Variants in CAMTA1 observed in about 807,000 individuals in gnomAD.
CAMTA1 encodes calmodulin-binding transcription activator 1.
A neutral mutation model predicts 170.9 loss-of-function variants in CAMTA1; 27 were observed. The ratio of observed to expected loss-of-function variants is 0.16; its 90% CI spans 0.12 to 0.22. The LOEUF (loss-of-function observed/expected upper bound fraction) is 0.22. Among genes scored for constraint, CAMTA1 ranks in the 10% least tolerant of loss-of-function variants. CAMTA1 has a pLI of 1.00. For missense variants in CAMTA1, 1,619 were observed against 2,217.2 expected (o/e 0.73, Z 5.42); for synonymous variants, 833 against 891.5 (o/e 0.93, Z 1.17).
At chr1:7,648,468 A>G (rs1316007886) in intron 7 of CAMTA1, among the ~76,000 whole-genome samples, 1 of 151,876 alleles carries the variant, frequency 6.6e-6, no homozygotes, top group African/African-American at 2.4e-5. Flanking sequence ...GTGTGGGCAC[A>G]GTAAGGAGTG....
In CAMTA1 at chr1:7,195,379, G is replaced by A. The variant is rs1339076817; in HGVS notation, c.303-54112G>A. Among the ~76,000 whole-genome samples the A allele has an allele frequency of 6.6e-6, 1 of 152,168 alleles. No homozygotes were observed. The highest frequency in any genetic ancestry group is 2.4e-5 in the African/African-American group (1 of 41,430). On this transcript the variant is annotated intron_variant, in intron 4 of 22. Coordinates refer to ENST00000303635, the MANE Select transcript of CAMTA1 (RefSeq NM_015215.4). The surrounding 1 kb of genome is among the most constrained non-coding windows in gnomAD (Gnocchi z 4.1). ...CTATACACATTCTCTGCTTGTCTTG[G>A]CTATTTGGAAGCACATTCAGTGCTG...
At chr1:7,103,059 C>A (rs879749074) in intron 4 of CAMTA1, among the ~76,000 whole-genome samples, 3 of 151,880 alleles carry the variant, frequency 2.0e-5, no homozygotes, top group Admixed American at 2.0e-4. Context: ...GGAGAGGCTG[C>A]CCCTCTAGTG....
chr1:7,010,334 T>C lies in CAMTA1; in HGVS notation c.235-80970T>C, dbSNP rs1232304469. On this transcript the variant is annotated intron_variant, in intron 3 of 22. Transcript: ENST00000303635. The surrounding 1 kb of genome is among the most constrained non-coding windows in gnomAD (Gnocchi z 4.4). ...AGTGCTCAGGCCTCTGGGCTCTCTC[T>C]GGCCCTTGCTTGGTTGAGCTCAGCT... is the stretch of plus-strand genomic sequence containing the variant. 1.3e-5 allele frequency among the ~76,000 whole-genome samples: 2 copies of C among 152,172 alleles called. No individual in the cohort carries two copies. Among genetic ancestry groups the C allele is most frequent in the African/African-American group, 2.4e-5 (1 of 41,454 alleles).
chr1:7,575,559 A>T (rs1490374853), intron 6 of CAMTA1, among the ~76,000 whole-genome samples: 1 of 152,260 alleles, frequency 6.6e-6, no homozygotes. Context: ...TCAAATGCCC[A>T]TGTGACTTTG....
chr1:7,119,956 C>G (rs1014344986), intron 4 of CAMTA1, among the ~76,000 whole-genome samples: 1 of 152,144 alleles, frequency 6.6e-6, no homozygotes, highest in African/African-American at 2.4e-5. Context: ...CCCCAAGGAA[C>G]CCTCATGAGA....
At chr1:6,862,811 G>T (rs1043966347) in intron 3 of CAMTA1, among the ~76,000 whole-genome samples, 1 of 152,210 alleles carries the variant, frequency 6.6e-6, no homozygotes, top group African/African-American at 2.4e-5. Flanking sequence ...ACCATTAAAT[G>T]TGGGTATTTC....
intron 11 of CAMTA1, among the ~76,000 whole-genome samples, chr1:7,724,760 T>C (rs2149816019): frequency 6.7e-6 from 1 of 149,154 alleles, no homozygotes; most frequent in African/African-American, 2.5e-5. Context: ...GAGGCGGAGG[T>C]TGCAGTGAGC....
At chr1:7,182,371 T>A (rs1652353673) in intron 4 of CAMTA1, among the ~76,000 whole-genome samples, 1 of 151,794 alleles carries the variant, frequency 6.6e-6, no homozygotes, top group African/African-American at 2.4e-5. Context: ...CAAAACCCTG[T>A]CTCTACTAAA....
rs545518151 is a variant in CAMTA1 at position 7,064,821 on chromosome 1, G to C, written c.235-26483G>C. Among the ~76,000 whole-genome samples, 1 of 152,266 alleles carries C rather than the reference G, an allele frequency of 6.6e-6. No homozygotes were observed. The highest frequency in any genetic ancestry group is 2.1e-4 in the South Asian group (1 of 4,808). On this transcript the variant is annotated intron_variant, in intron 3 of 22. Transcript: ENST00000303635. The surrounding 1 kb of genome is among the most constrained non-coding windows in gnomAD (Gnocchi z 5.4). The stretch of plus-strand genomic sequence containing the variant: ...AGAGGAGTCCATGGATGTATTCTGA[G>C]GTCCTGTTGGTCTAGGAGCTGGTTG...
At chr1:7,295,540 G>A (rs906930120) in intron 5 of CAMTA1, among the ~76,000 whole-genome samples, 9 of 152,210 alleles carry the variant, frequency 5.9e-5, no homozygotes, top group African/African-American at 2.2e-4. Flanking sequence ...AATCTGGAGT[G>A]TGAATTAAGC....
intron 3 of CAMTA1, among the ~76,000 whole-genome samples, chr1:7,045,074 C>G (rs57124070): frequency 0.027 from 4,185 of 152,200 alleles, 206 homozygotes; most frequent in African/African-American, 0.094. Flanking sequence ...TGAGTCTATC[C>G]TGTTTTTAAT....
Position 7,664,335 on chromosome 1 carries a change from G to C in CAMTA1, c.1788G>C (p.Thr596=), listed in dbSNP as rs907077082. The C allele has an allele frequency of 5.6e-6, 9 of 1,613,512 alleles. No individual in the cohort carries two copies. The highest frequency in any genetic ancestry group is 4.4e-5 in the South Asian group (4 of 91,084). The part of the protein sequence containing the change: ...FSAIDSNKDY[T]SSFSQTGHSP... Reference sequence around the variant, plus strand: ...CCATCGACTCCAACAAGGACTACACGTCCAGCTTCAGCCAGACGGGCCACA... The same window carrying C: ...CCATCGACTCCAACAAGGACTACACCTCCAGCTTCAGCCAGACGGGCCACA... Residue 596 remains threonine, a synonymous_variant, in exon 9 of 23, where the codon ACG becomes ACC. Coordinates refer to ENST00000303635, the MANE Select transcript of CAMTA1 (RefSeq NM_015215.4).
At chr1:7,087,329 A>G (rs1246523135) in intron 3 of CAMTA1, among the ~76,000 whole-genome samples, 1 of 152,208 alleles carries the variant, frequency 6.6e-6, no homozygotes, top group Admixed American at 6.5e-5. Context: ...TTTGCCTATC[A>G]CTGAAGTCGA....
rs1366264544 is a variant in CAMTA1, at chr1:6,918,453, A to C, written c.234+93243A>C. On this transcript the variant is annotated intron_variant, in intron 3 of 22. Transcript: ENST00000303635. The surrounding 1 kb of genome is among the most constrained non-coding windows in gnomAD (Gnocchi z 4.0). ...CATTAATCATTGGCAGTAATAGAAA[A>C]GTCATTGGAATAGAATGTTGTCACA... Among the ~76,000 whole-genome samples, 1 of 152,212 alleles carries C rather than the reference A, an allele frequency of 6.6e-6. No individual in the cohort carries two copies. The highest frequency in any genetic ancestry group is 2.4e-5 in the African/African-American group (1 of 41,450).
intron 3 of CAMTA1, among the ~76,000 whole-genome samples, chr1:6,988,046 A>T (rs980824759): frequency 8.5e-5 from 13 of 152,306 alleles, no homozygotes; most frequent in African/African-American, 3.1e-4. Context: ...TATCCCTTAA[A>T]TAAAATCAAT....
chr1:6,905,628 G>C (rs950348502), intron 3 of CAMTA1, among the ~76,000 whole-genome samples: 2 of 152,080 alleles, frequency 1.3e-5, no homozygotes, highest in Non-Finnish European at 2.9e-5. Context: ...TCTGCACTTG[G>C]GTAAAGGCTT....
At chr1:7,027,362 C>T (rs1484359044) in intron 3 of CAMTA1, among the ~76,000 whole-genome samples, 1 of 152,152 alleles carries the variant, frequency 6.6e-6, no homozygotes, top group Non-Finnish European at 1.5e-5. Flanking sequence ...AAGGTCGAAG[C>T]CTGAAAACAC....
In CAMTA1 at chr1:7,474,986, G is replaced by A. The variant is rs148139782; in HGVS notation, c.510+7085G>A. Among the ~76,000 whole-genome samples, 10 of 152,296 alleles carry A rather than the reference G, an allele frequency of 6.6e-5. No homozygotes were observed. In the East Asian group the frequency reaches 9.7e-4, roughly 15 times the overall value. The stretch of plus-strand genomic sequence containing the variant: ...GTGGGACACCCTGAAGAGTATGGCC[G>A]CGCTCGCCCCTCAGCCCGTGGCCTC... On this transcript the variant is annotated intron_variant, in intron 6 of 22. Transcript: ENST00000303635.
At chr1:6,935,808 G>C (rs1228804650) in intron 3 of CAMTA1, among the ~76,000 whole-genome samples, 1 of 152,212 alleles carries the variant, frequency 6.6e-6, no homozygotes, top group Non-Finnish European at 1.5e-5. Flanking sequence ...ATCACTGTTA[G>C]TTGCATCTCA....
Sources: gnomAD v4.1 joint callset for allele counts (sites outside exome capture counted in the v4.1 genomes callset) on GRCh38, gnomAD v4.1.1 for gene constraint, Gnocchi (gnomAD v3.1) non-coding constraint, MANE v1.5 for transcripts, NCBI Gene and HGNC (gene_info 2026-07-23, HGNC 2026-07-21) for gene names.